The following CRMP1 variants were observed in gnomAD, a reference collection of about 807,000 sequenced individuals.
CRMP1 encodes the protein dihydropyrimidinase-related protein 1.
A neutral mutation model predicts 68.3 loss-of-function variants in CRMP1; 19 were observed. The observed-to-expected ratio is 0.28, with a 90% confidence interval of 0.19 to 0.41. The LOEUF (loss-of-function observed/expected upper bound fraction) is 0.41, where lower values mean the gene tolerates loss of function less well. Ranked by LOEUF, CRMP1 falls within the 10% of genes least tolerant of loss-of-function variation. The pLI, the probability that CRMP1 is intolerant of heterozygous loss-of-function variation, is 1.00. For missense variants in CRMP1, 791 were observed against 967.4 expected (o/e 0.82, Z 2.42); for synonymous variants, 439 against 399.6 (o/e 1.10, Z -1.18).
rs1197253941 is a variant in CRMP1 at position 5,890,962 on chromosome 4, G to A, written c.381+1627C>T. 6.6e-6 allele frequency among the ~76,000 whole-genome samples: 1 copy of A among 152,096 alleles called. No individual in the cohort carries two copies. The highest frequency in any genetic ancestry group is 1.5e-5 in the Non-Finnish European group (1 of 68,006). On this transcript the variant is annotated intron_variant, in intron 1 of 13. Transcript: ENST00000324989. The surrounding 1 kb of genome is among the most constrained non-coding windows in gnomAD (Gnocchi z 5.5). ...AAGCTGAGGCCCAAGAGAGCAAAGC[G>A]CCTTGGCTGGAAACCCGGATTCCCT... is the stretch of plus-strand genomic sequence containing the variant.
intron 13 of CRMP1, among the ~76,000 whole-genome samples, chr4:5,823,179 T>C (rs1289771935): frequency 6.6e-6 from 1 of 152,210 alleles, no homozygotes; most frequent in Non-Finnish European, 1.5e-5. Context: ...TGGCCTCATT[T>C]CCTTTTCTGC....
intron 6 of CRMP1, among the ~76,000 whole-genome samples, chr4:5,846,951 G>A (rs1030304297): frequency 6.6e-6 from 1 of 151,782 alleles, no homozygotes; most frequent in African/African-American, 2.4e-5. Context: ...AGCAGGCTGA[G>A]AAAACCACTC....
intron 3 of CRMP1, among the ~76,000 whole-genome samples, chr4:5,856,850 T>C (rs1179056860): frequency 2.2e-5 from 3 of 134,652 alleles, no homozygotes; most frequent in Non-Finnish European, 4.8e-5. Context: ...ACCACTATCA[T>C]TGTCACCCCA....
intron 1 of CRMP1, among the ~76,000 whole-genome samples, chr4:5,876,601 G>C (rs1714851112): frequency 6.6e-6 from 1 of 152,146 alleles, no homozygotes; most frequent in African/African-American, 2.4e-5. Flanking sequence ...TGAATGCAGG[G>C]GGAACTGCTT....
intron 4 of CRMP1, 48 bp downstream of exon 4, chr4:5,856,095 C>T (rs368692178): frequency 3.1e-6 from 5 of 1,602,102 alleles, no homozygotes; most frequent in Non-Finnish European, 4.3e-6. Flanking sequence ...TTGGATCTAC[C>T]AAAGAACAAG....
At chr4:5,848,452 C>T (rs1054851575) in intron 6 of CRMP1, among the ~76,000 whole-genome samples, 2 of 152,226 alleles carry the variant, frequency 1.3e-5, no homozygotes, top group African/African-American at 4.8e-5. Flanking sequence ...CTCGGCCTCT[C>T]AAAGTGCTGG....
intron 11 of CRMP1, among the ~76,000 whole-genome samples, chr4:5,833,962 C>T (rs898632132): frequency 3.3e-5 from 5 of 152,202 alleles, no homozygotes; most frequent in African/African-American, 9.6e-5. Context: ...AGGAGAATGG[C>T]GTGAACCCGG....
chr4:5,852,146 T>C (rs1157027708), intron 4 of CRMP1, among the ~76,000 whole-genome samples: 5 of 152,224 alleles, frequency 3.3e-5, no homozygotes, highest in African/African-American at 9.6e-5. Context: ...AAGCATGTGC[T>C]TTTTTATCCC....
chr4:5,857,494 T>G (rs1316747482), intron 3 of CRMP1, among the ~76,000 whole-genome samples: 3 of 152,108 alleles, frequency 2.0e-5, no homozygotes, highest in African/African-American at 7.2e-5. Flanking sequence ...ACCACCATCA[T>G]CACCACCATT....
rs776482591 is a variant in CRMP1 at position 5,870,192 on chromosome 4, T to C, written c.382-3436A>G. On this transcript the variant is annotated intron_variant, in intron 1 of 13. Transcript: ENST00000324989. This position sits in a 1 kb window ranked among gnomAD's most constrained non-coding sequence, Gnocchi z 6.0. Reference sequence around the variant, plus strand: ...CCTACTTGCTTTGGGCCCTGCTTGATGTTACTTATCTGAGTGCCCTCCGCT... The same window carrying C: ...CCTACTTGCTTTGGGCCCTGCTTGACGTTACTTATCTGAGTGCCCTCCGCT... 2.6e-5 allele frequency among the ~76,000 whole-genome samples: 4 copies of C among 152,224 alleles called. No homozygotes were observed. Among genetic ancestry groups the C allele is most frequent in the Non-Finnish European group, 4.4e-5 (3 of 68,040 alleles).
In CRMP1 at chr4:5,843,685, C is replaced by T. The variant is rs145159066; in HGVS notation, c.964-524G>A. Among the ~76,000 whole-genome samples, 1,960 of 152,230 alleles carry T rather than the reference C, an allele frequency of 0.013. 27 individuals carry two copies. Among genetic ancestry groups the T allele is most frequent in the Non-Finnish European group, 0.018 (1,254 of 68,006 alleles). On this transcript the variant is annotated intron_variant, in intron 6 of 13. Coordinates refer to ENST00000324989, the MANE Select transcript of CRMP1 (RefSeq NM_001014809.3). This position sits in a 1 kb window ranked among gnomAD's most constrained non-coding sequence, Gnocchi z 4.1. ...CTCCTCTTCTGTACACTGGGGATAA[C>T]GGTGCTTGTACTGCAGAGTTACTAC...
intron 6 of CRMP1, among the ~76,000 whole-genome samples, 196 bp downstream of exon 6, chr4:5,849,196 C>A (rs769780532): frequency 1.3e-5 from 2 of 152,226 alleles, no homozygotes; most frequent in African/African-American, 2.4e-5. Context: ...ACACCAGCTT[C>A]CATGTGCATT....
At position 5,892,618 on chromosome 4, in the gene CRMP1, C is replaced by T; in HGVS notation, c.352G>A (p.Asp118Asn). The T allele has an allele frequency of 1.1e-5, 13 of 1,189,108 alleles. No individual in the cohort carries two copies. The highest frequency in any genetic ancestry group is 1.2e-5 in the Non-Finnish European group (12 of 960,520). The allele number at this position is 1,189,108 out of a possible 1,614,324, so 73.7% of individuals were successfully genotyped here. A position where few individuals can be genotyped will look rare whatever the true frequency, so the allele number is the denominator to read the frequency against. The change falls in exon 1 of 14, where the codon GAC becomes AAC. Residue 118 changes from aspartate to asparagine, a missense_variant. By Grantham distance (23) the Asp-to-Asn change is conservative. This residue lies in a region of CRMP1 where 193 missense variants were observed against 186.3 expected (regional missense o/e 1.04). Coordinates refer to ENST00000324989, the MANE Select transcript of CRMP1 (RefSeq NM_001014809.3). The surrounding 1 kb of genome is among the most constrained non-coding windows in gnomAD (Gnocchi z 8.6). ...CCATTGTCCCGGCCGAGGGGCAGGTCGCGGGGCGCGGGGCGGCGGATGCGC... is the reference window on the plus strand; with the variant it reads ...CCATTGTCCCGGCCGAGGGGCAGGTTGCGGGGCGCGGGGCGGCGGATGCGC... ...TLRIRRPAPR[D>N]LPLGRDNGQS...
rs1361070526 is a variant in CRMP1 at position 5,888,879 on chromosome 4, G to A, written c.381+3710C>T. Among the ~76,000 whole-genome samples, 1 of 151,920 alleles carries A rather than the reference G, an allele frequency of 6.6e-6. No individual in the cohort carries two copies. The highest frequency in any genetic ancestry group is 2.4e-5 in the African/African-American group (1 of 41,358). ...GGGCCAAGGATCGGCCCAAGCTGCT[G>A]GGAACGTTCTTGTCCCTCCAGGATC... On this transcript the variant is annotated intron_variant, in intron 1 of 13. Coordinates refer to ENST00000324989, the MANE Select transcript of CRMP1 (RefSeq NM_001014809.3). This position sits in a 1 kb window ranked among gnomAD's most constrained non-coding sequence, Gnocchi z 6.4.
At position 5,838,386 on chromosome 4, in the gene CRMP1, C is replaced by A. The variant is rs990697050; in HGVS notation, c.1310+1136G>T. Among the ~76,000 whole-genome samples, 45 of 151,784 alleles carry A rather than the reference C, an allele frequency of 3.0e-4. No homozygotes were observed. The highest frequency in any genetic ancestry group is 5.9e-4 in the Non-Finnish European group (40 of 67,986). On this transcript the variant is annotated intron_variant, in intron 9 of 13. Coordinates refer to ENST00000324989, the MANE Select transcript of CRMP1 (RefSeq NM_001014809.3). The surrounding 1 kb of genome is among the most constrained non-coding windows in gnomAD (Gnocchi z 4.9). ...TGGCAGAGGACTTACTGGTTCCAAG[C>A]AGAGGGGTGCTTGATCTAATCTAGG...
At position 5,842,571 on chromosome 4, in the gene CRMP1, C is replaced by T. The variant is rs1015474089; in HGVS notation, c.1032+522G>A. 6.6e-6 allele frequency among the ~76,000 whole-genome samples: 1 copy of T among 151,300 alleles called. No homozygotes were observed. The highest frequency in any genetic ancestry group is 1.5e-5 in the Non-Finnish European group (1 of 67,868). On this transcript the variant is annotated intron_variant, in intron 7 of 13. Transcript: ENST00000324989. This position sits in a 1 kb window ranked among gnomAD's most constrained non-coding sequence, Gnocchi z 4.5. Reference sequence around the variant, plus strand: ...CTTCCACACTCCCTGCAGGTGCATGCACATGCACCCACACTCACACACTCT... The same window carrying T: ...CTTCCACACTCCCTGCAGGTGCATGTACATGCACCCACACTCACACACTCT...
At position 5,892,815 on chromosome 4, in the gene CRMP1, G is replaced by A; in HGVS notation, c.155C>T (p.Ala52Val). The A allele has an allele frequency of 7.1e-7, 1 of 1,399,026 alleles. No homozygotes were observed. The allele number at this position is 1,399,026 out of a possible 1,614,324, so 86.7% of individuals were successfully genotyped here. The change falls in exon 1 of 14, where the codon GCC becomes GTC. Residue 52 changes from alanine to valine, a missense_variant. By Grantham distance (64) the Ala-to-Val change is moderately conservative. Coordinates refer to ENST00000324989, the MANE Select transcript of CRMP1 (RefSeq NM_001014809.3). This position sits in a 1 kb window ranked among gnomAD's most constrained non-coding sequence, Gnocchi z 8.6. ...CGAGCCGCGGCGGCCCACACTGTAG[G>A]CGTCGAAGTCGATGGTCTTGTTCTC... The part of the protein sequence containing the change: ...AYENKTIDFD[A>V]YSVGRRGSAR...
At position 5,861,975 on chromosome 4, in the gene CRMP1, C is replaced by A. The variant is rs1192241707; in HGVS notation, c.471-765G>T. 6.6e-6 allele frequency among the ~76,000 whole-genome samples: 1 copy of A among 152,202 alleles called. No individual in the cohort carries two copies. Among genetic ancestry groups the A allele is most frequent in the East Asian group, 1.9e-4 (1 of 5,190 alleles). On this transcript the variant is annotated intron_variant, in intron 2 of 13. Coordinates refer to ENST00000324989, the MANE Select transcript of CRMP1 (RefSeq NM_001014809.3). The surrounding 1 kb of genome is among the most constrained non-coding windows in gnomAD (Gnocchi z 6.0). ...CAGTGACCAAAAGTGCAGCTCTAGA[C>A]AGAATCCACAGCCAGGCAGCCAAGA...
chr4:5,875,415 A>G (rs976849919), intron 1 of CRMP1, among the ~76,000 whole-genome samples: 10 of 147,320 alleles, frequency 6.8e-5, no homozygotes, highest in Middle Eastern at 3.6e-3. Context: ...AAAAAAAAAA[A>G]AGAGATGGGA....
Sources: gnomAD v4.1 joint callset for allele counts (sites outside exome capture counted in the v4.1 genomes callset) on GRCh38, gnomAD v4.1.1 for gene constraint, gnomAD v4.1.1 regional missense constraint, Gnocchi (gnomAD v3.1) non-coding constraint, MANE v1.5 for transcripts, NCBI Gene and HGNC (gene_info 2026-07-23, HGNC 2026-07-21) for gene names.